Variants in COX10 observed in about 807,000 individuals in gnomAD.
COX10 encodes the protein cytochrome c oxidase assembly factor heme A:farnesyltransferase COX10.
A neutral mutation model predicts 37.3 loss-of-function variants in COX10; 27 were observed. That is an observed-to-expected ratio of 0.72 (90% CI 0.53 to 1.00). The LOEUF (loss-of-function observed/expected upper bound fraction) is 1.00, where lower values mean the gene tolerates loss of function less well. Ranked by LOEUF, COX10 falls within the 50% of genes least tolerant of loss-of-function variation. The pLI, the probability that COX10 is intolerant of heterozygous loss-of-function variation, is 0.00. For synonymous variants in COX10, 222 were observed against 229.1 expected (o/e 0.97, Z 0.28); for missense variants, 475 against 563.2 (o/e 0.84, Z 1.59).
chr17:14,127,650 G>C (rs973687348), intron 4 of COX10, among the ~76,000 whole-genome samples: 2 of 152,106 alleles, frequency 1.3e-5, no homozygotes. Context: ...TTATATACGT[G>C]TGTGAATGTG....
chr17:14,087,683 A>G (rs1915439804), intron 3 of COX10, among the ~76,000 whole-genome samples: 1 of 151,302 alleles, frequency 6.6e-6, no homozygotes, highest in Non-Finnish European at 1.5e-5. Context: ...TTTCTCCGAA[A>G]GGTTTTTTTT....
rs1327803421 is a variant in COX10, at chr17:14,208,533, T to G, written c.*1320T>G. ...TCACTGTTTGCACTTATCTGAAATC[T>G]TCCCTCTTGGCTGCCCCCAGGTATT... On this transcript the variant is annotated 3_prime_UTR_variant, in exon 7 of 7. Transcript: ENST00000261643. 6.6e-6 allele frequency: 1 copy of G among 152,244 alleles called. No individual in the cohort carries two copies. The highest frequency in any genetic ancestry group is 1.9e-4 in the East Asian group (1 of 5,196). The allele number at this position is 152,244 out of a possible 1,614,324, so 9.4% of individuals were successfully genotyped here. A position where few individuals can be genotyped will look rare whatever the true frequency, so the allele number is the denominator to read the frequency against.
chr17:14,198,693 T>C (rs895121435), intron 6 of COX10, among the ~76,000 whole-genome samples: 1 of 152,206 alleles, frequency 6.6e-6, no homozygotes, highest in African/African-American at 2.4e-5. Context: ...AAATGTTCAG[T>C]TCTGTTTCAC....
chr17:14,092,506 T>C (rs1168926548), intron 3 of COX10, among the ~76,000 whole-genome samples: 1 of 152,136 alleles, frequency 6.6e-6, no homozygotes. Context: ...GTGGTTATAG[T>C]TTGTAATCAG....
chr17:14,139,657 A>T (rs949473913), intron 4 of COX10, among the ~76,000 whole-genome samples: 2 of 152,160 alleles, frequency 1.3e-5, no homozygotes, highest in Non-Finnish European at 2.9e-5. Context: ...TTTCATTCAT[A>T]ACCATCACTG....
At chr17:14,131,843 A>G (rs1916474738) in intron 4 of COX10, among the ~76,000 whole-genome samples, 1 of 151,964 alleles carries the variant, frequency 6.6e-6, no homozygotes, top group Admixed American at 6.6e-5. Flanking sequence ...TGTGTAGGAG[A>G]TTCTGAAGCC....
chr17:14,180,263 T>G (rs1905816555), intron 5 of COX10, among the ~76,000 whole-genome samples: 1 of 152,096 alleles, frequency 6.6e-6, no homozygotes, highest in African/African-American at 2.4e-5. Flanking sequence ...ACATAAACAT[T>G]TTATAAGTAT....
intron 3 of COX10, among the ~76,000 whole-genome samples, chr17:14,083,713 C>T (rs1915349668): frequency 6.6e-6 from 1 of 152,126 alleles, no homozygotes; most frequent in South Asian, 2.1e-4. Context: ...GGAAGTAAGA[C>T]TGAGATTATA....
intron 5 of COX10, chr17:14,182,253 T>C (rs980928834): frequency 1.1e-5 from 8 of 742,726 alleles, no homozygotes; most frequent in Non-Finnish European, 1.3e-5. Flanking sequence ...TGGGACCCCA[T>C]TTCTTAAAAT....
chr17:14,082,512 G>A (rs2142186564), intron 3 of COX10, among the ~76,000 whole-genome samples: 1 of 152,222 alleles, frequency 6.6e-6, no homozygotes, highest in East Asian at 1.9e-4. Flanking sequence ...CAGGAAAATA[G>A]GATAACTAGT....
chr17:14,149,976 A>G (rs1460280093), intron 4 of COX10, among the ~76,000 whole-genome samples: 1 of 152,296 alleles, frequency 6.6e-6, no homozygotes, highest in African/African-American at 2.4e-5. Flanking sequence ...GAAGAAAAAA[A>G]GGAAAAGTTT....
intron 6 of COX10, among the ~76,000 whole-genome samples, chr17:14,200,905 A>G (rs560965689): frequency 1.3e-5 from 2 of 152,316 alleles, no homozygotes; most frequent in East Asian, 3.9e-4. Flanking sequence ...TCTTCCAGGA[A>G]GCCTTCCCTG....
chr17:14,197,010 C>T, intron 6 of COX10, among the ~76,000 whole-genome samples: 2 of 152,166 alleles, frequency 1.3e-5, no homozygotes, highest in East Asian at 3.9e-4. Flanking sequence ...TTTAGTCACC[C>T]AGTCACCTTG....
intron 4 of COX10, among the ~76,000 whole-genome samples, chr17:14,126,104 G>GT (rs200856376): frequency 2.1e-4 from 32 of 151,158 alleles, no homozygotes; most frequent in East Asian, 1.7e-3. Context: ...TCATTGCTGG[G>GT]TTTTTTTTTC....
intron 4 of COX10, among the ~76,000 whole-genome samples, chr17:14,111,747 A>G (rs1244921650): frequency 1.3e-5 from 2 of 152,162 alleles, no homozygotes; most frequent in African/African-American, 4.8e-5. Flanking sequence ...CCATTGTGTC[A>G]TATTGCTGTC....
intron 4 of COX10, among the ~76,000 whole-genome samples, chr17:14,149,371 C>T (rs1904824427): frequency 6.6e-6 from 1 of 152,270 alleles, no homozygotes; most frequent in African/African-American, 2.4e-5. Context: ...GTTAGCTTTA[C>T]AGTGTATTAT....
intron 3 of COX10, among the ~76,000 whole-genome samples, chr17:14,100,518 C>G (rs1488396983): frequency 6.6e-6 from 1 of 152,048 alleles, no homozygotes; most frequent in African/African-American, 2.4e-5. Flanking sequence ...CCAATGGGAT[C>G]TGAAGGATGA....
chr17:14,192,063 C>A lies in COX10; in HGVS notation c.770C>A (p.Pro257Gln). ...GCCATTCTGACCTTGGGGGTGAATC[C>A]ACTCACAGGAGCCCTGGGGCTCTTC... The part of the protein sequence containing the change: ...GVAILTLGVN[P>Q]LTGALGLFNI... The change falls in exon 6 of 7, where the codon CCA (proline) becomes CAA (glutamine). Residue 257 changes from proline to glutamine, a missense_variant. By Grantham distance (76) the Pro-to-Gln change is moderately conservative (BLOSUM62 -1). This residue lies in a region of COX10 where 54 missense variants were observed against 70.6 expected (regional missense o/e 0.76). Coordinates refer to ENST00000261643, the MANE Select transcript of COX10 (RefSeq NM_001303.4). 1 of 1,614,190 alleles carries A rather than the reference C, an allele frequency of 6.2e-7. No individual in the cohort carries two copies. Among genetic ancestry groups the A allele is most frequent in the East Asian group, 2.2e-5 (1 of 44,874 alleles).
chr17:14,195,734 C>T (rs1323833914), intron 6 of COX10, among the ~76,000 whole-genome samples: 1 of 152,122 alleles, frequency 6.6e-6, no homozygotes, highest in Non-Finnish European at 1.5e-5. Flanking sequence ...GATTCCTGGG[C>T]CCTACCCCTG....
Sources: allele counts gnomAD v4.1 joint callset (sites outside exome capture counted in the v4.1 genomes callset), GRCh38; gene constraint gnomAD v4.1.1; regional missense constraint gnomAD v4.1.1; transcripts MANE v1.5; gene names NCBI Gene and HGNC (gene_info 2026-07-23, HGNC 2026-07-21).